Variants in PLCB1 observed in about 807,000 individuals in gnomAD.
The protein encoded by PLCB1 is 1-phosphatidylinositol 4,5-bisphosphate phosphodiesterase beta-1.
Under a neutral mutation model 161.8 loss-of-function variants are expected in PLCB1, and 46 were observed. That is an observed-to-expected ratio of 0.28 (90% CI 0.22 to 0.36). The LOEUF is 0.36. Among genes scored for constraint, PLCB1 ranks in the 10% least tolerant of loss-of-function variants. PLCB1 has a pLI of 1.00. For synonymous variants in PLCB1, 517 were observed against 503.7 expected (o/e 1.03, Z -0.35); for missense variants, 1,016 against 1,472.5 (o/e 0.69, Z 5.07).
chr20:8,389,978 G>C (rs1413293457), intron 3 of PLCB1, among the ~76,000 whole-genome samples: 2 of 152,094 alleles, frequency 1.3e-5, no homozygotes, highest in African/African-American at 4.8e-5. Flanking sequence ...TGAAAATAGA[G>C]ATTTTACACA....
chr20:8,257,232 A>C (rs1981470917), intron 2 of PLCB1, among the ~76,000 whole-genome samples: 1 of 152,168 alleles, frequency 6.6e-6, no homozygotes, highest in Admixed American at 6.6e-5. Flanking sequence ...AGATGAATGT[A>C]ATCTCCTTAG....
chr20:8,680,335 A>G (rs543611432), intron 9 of PLCB1, among the ~76,000 whole-genome samples: 1 of 152,178 alleles, frequency 6.6e-6, no homozygotes, highest in Non-Finnish European at 1.5e-5. Context: ...ACTAGTCAGA[A>G]CTATTTTTTA....
At chr20:8,144,385 C>A (rs745357318) in intron 1 of PLCB1, among the ~76,000 whole-genome samples, 1 of 152,294 alleles carries the variant, frequency 6.6e-6, no homozygotes, top group Middle Eastern at 3.4e-3. Context: ...ATTCTTCCAA[C>A]ATTTCCCTAC....
intron 2 of PLCB1, among the ~76,000 whole-genome samples, chr20:8,182,783 G>A (rs988763449): frequency 2.6e-5 from 4 of 151,830 alleles, no homozygotes; most frequent in South Asian, 2.1e-4. Flanking sequence ...GTTTCACCAT[G>A]TTGGCCAGGC....
chr20:8,785,999 A>G (rs989095937), intron 27 of PLCB1, among the ~76,000 whole-genome samples: 1 of 152,010 alleles, frequency 6.6e-6, no homozygotes, highest in Non-Finnish European at 1.5e-5. Flanking sequence ...AAAGCATCCA[A>G]ATCACCTCAG....
chr20:8,329,405 G>A (rs1389876365), intron 2 of PLCB1, among the ~76,000 whole-genome samples: 3 of 150,490 alleles, frequency 2.0e-5, no homozygotes, highest in East Asian at 2.0e-4. Context: ...CACCTGCCTC[G>A]GCCTCCCAAA....
chr20:8,533,671 A>C (rs2122926230), intron 3 of PLCB1, among the ~76,000 whole-genome samples: 1 of 149,872 alleles, frequency 6.7e-6, no homozygotes, highest in Non-Finnish European at 1.5e-5. Context: ...TCTTTTGAGA[A>C]GTGTCTGTTC....
intron 2 of PLCB1, among the ~76,000 whole-genome samples, chr20:8,351,615 A>T (rs112949960): frequency 0.027 from 4,106 of 152,180 alleles, 173 homozygotes; most frequent in African/African-American, 0.092. Context: ...TATTCTGAAT[A>T]TATAGAGAAC....
At chr20:8,144,027 C>T (rs1054853360) in intron 1 of PLCB1, among the ~76,000 whole-genome samples, 1 of 152,258 alleles carries the variant, frequency 6.6e-6, no homozygotes, top group African/African-American at 2.4e-5. Context: ...AGCCAAAAGT[C>T]CCCTGGGGTG....
chr20:8,640,441 A>G (rs890265832), intron 4 of PLCB1, among the ~76,000 whole-genome samples: 1 of 152,252 alleles, frequency 6.6e-6, no homozygotes, highest in Non-Finnish European at 1.5e-5. Flanking sequence ...AATTATAATT[A>G]CAGACCCCGC....
At chr20:8,493,304 TA>T (rs900822158) in intron 3 of PLCB1, among the ~76,000 whole-genome samples, 5 of 152,090 alleles carry the variant, frequency 3.3e-5, no homozygotes, top group East Asian at 3.9e-4. Flanking sequence ...AACACTGACT[TA>T]AAAAAAATAC....
intron 2 of PLCB1, among the ~76,000 whole-genome samples, chr20:8,368,022 T>G (rs567199625): frequency 6.6e-6 from 1 of 152,332 alleles, no homozygotes; most frequent in East Asian, 1.9e-4. Context: ...GTGGTTTTCA[T>G]GCACACAGTT....
At chr20:8,609,226 A>T (rs1399244313) in intron 3 of PLCB1, among the ~76,000 whole-genome samples, 1 of 152,200 alleles carries the variant, frequency 6.6e-6, no homozygotes, top group East Asian at 1.9e-4. Flanking sequence ...ATTACTTTCA[A>T]TGGCAGAAGC....
At chr20:8,728,289 T>G (rs920531307) in intron 17 of PLCB1, among the ~76,000 whole-genome samples, 1 of 152,120 alleles carries the variant, frequency 6.6e-6, no homozygotes, top group Non-Finnish European at 1.5e-5. Flanking sequence ...GAGTTGAGGT[T>G]CAATTTCATT....
intron 3 of PLCB1, among the ~76,000 whole-genome samples, chr20:8,500,346 G>A (rs1180775570): frequency 6.6e-6 from 1 of 151,926 alleles, no homozygotes; most frequent in Non-Finnish European, 1.5e-5. Flanking sequence ...ATTTACATTC[G>A]GATTCTATAT....
chr20:8,716,189 A>G (rs1395682902), intron 12 of PLCB1, 75 bp from the exon 13 acceptor site: 3 of 1,073,690 alleles, frequency 2.8e-6, no homozygotes, highest in Non-Finnish European at 4.3e-6. Flanking sequence ...TGTAGTTAAT[A>G]ACACAAAGCA....
intron 4 of PLCB1, among the ~76,000 whole-genome samples, chr20:8,644,855 G>T (rs1241060624): frequency 8.5e-5 from 13 of 152,232 alleles, no homozygotes; most frequent in South Asian, 8.3e-4. Flanking sequence ...GAACGGGCCA[G>T]GATGACAATG....
chr20:8,605,880 A>G (rs1233142274), intron 3 of PLCB1, among the ~76,000 whole-genome samples: 1 of 77,690 alleles, frequency 1.3e-5, no homozygotes, highest in African/African-American at 2.9e-5. Context: ...CTCGCTTGTA[A>G]GTGAGAACAT....
At chr20:8,379,501 G>T (rs1279305727) in intron 3 of PLCB1, among the ~76,000 whole-genome samples, 1 of 152,060 alleles carries the variant, frequency 6.6e-6, no homozygotes, top group Non-Finnish European at 1.5e-5. Flanking sequence ...GGTGTTTCTG[G>T]TTCTAGATCC....
Sources: allele counts gnomAD v4.1 joint callset (sites outside exome capture counted in the v4.1 genomes callset), GRCh38; gene constraint gnomAD v4.1.1; transcripts MANE v1.5; gene names NCBI Gene and HGNC (gene_info 2026-07-23, HGNC 2026-07-21).